BMPR1A: variants seen among roughly 807,000 people sequenced by gnomAD.
The protein encoded by BMPR1A is bone morphogenetic protein receptor type-1A.
BMPR1A carries 7 observed loss-of-function variants against 66.0 expected under a neutral mutation model. The observed-to-expected ratio is 0.11, with a 90% confidence interval of 0.06 to 0.20. The LOEUF (loss-of-function observed/expected upper bound fraction) is 0.20, where lower values mean the gene tolerates loss of function less well. BMPR1A is among the 10% of genes least tolerant of loss of function. The pLI is 1.00. For synonymous variants in BMPR1A, 200 were observed against 229.7 expected (o/e 0.87, Z 1.17); for missense variants, 408 against 669.1 (o/e 0.61, Z 4.31).
At chr10:86,910,015 A>G (rs985957150) in intron 7 of BMPR1A, among the ~76,000 whole-genome samples, 1 of 152,108 alleles carries the variant, frequency 6.6e-6, no homozygotes, top group African/African-American at 2.4e-5. Flanking sequence ...CTTGAATGCA[A>G]TAAGACTAGA....
chr10:86,777,241 C>G (rs2132686272), intron 1 of BMPR1A, among the ~76,000 whole-genome samples: 1 of 152,282 alleles, frequency 6.6e-6, no homozygotes, highest in Middle Eastern at 3.4e-3. Flanking sequence ...TTAAATCCAA[C>G]TGTGCCTACT....
chr10:86,847,217 G>A (rs987431648), intron 2 of BMPR1A, among the ~76,000 whole-genome samples: 1 of 152,078 alleles, frequency 6.6e-6, no homozygotes, highest in Non-Finnish European at 1.5e-5. Flanking sequence ...ATGGTATAGT[G>A]GGGAGAGCAT....
intron 5 of BMPR1A, 54 bp from the exon 6 acceptor site, chr10:86,899,740 A>T: frequency 1.3e-6 from 2 of 1,522,576 alleles, no homozygotes; most frequent in South Asian, 1.1e-5. Context: ...CTAAAAAGAC[A>T]TATCAGTTTA....
In BMPR1A at chr10:86,756,653, G is replaced by A. The variant is rs1257043581; in HGVS notation, c.-534G>A. ...CGGCGGTGGCGGCGGCCGCTGCAGA[G>A]ATTGGAATCCGCCTGCCGGGCTTGG... On this transcript the variant is annotated 5_prime_UTR_variant, in exon 1 of 13. Coordinates refer to ENST00000372037, the MANE Select transcript of BMPR1A (RefSeq NM_004329.3). The A allele has an allele frequency of 3.3e-5, 5 of 152,092 alleles. No individual in the cohort carries two copies. In the East Asian group the frequency reaches 9.7e-4, roughly 30 times the overall value. 9.4% of individuals were successfully genotyped at this position (152,092 alleles called of 1,614,324 possible). A position where few individuals can be genotyped will look rare whatever the true frequency, so the allele number is the denominator to read the frequency against.
intron 1 of BMPR1A, among the ~76,000 whole-genome samples, chr10:86,774,721 A>T (rs1841318180): frequency 6.6e-6 from 1 of 152,224 alleles, no homozygotes; most frequent in Admixed American, 6.5e-5. Flanking sequence ...CAAACAGTAT[A>T]TTGATACTAT....
intron 1 of BMPR1A, among the ~76,000 whole-genome samples, chr10:86,835,477 G>A (rs1564698874): frequency 1.4e-5 from 2 of 139,580 alleles, no homozygotes; most frequent in Non-Finnish European, 3.0e-5. Flanking sequence ...CTTGAACCCA[G>A]GAGGCAGAGG....
chr10:86,768,522 A>G (rs1841203090), intron 1 of BMPR1A, among the ~76,000 whole-genome samples: 1 of 152,230 alleles, frequency 6.6e-6, no homozygotes, highest in African/African-American at 2.4e-5. Context: ...TGCATAGAAG[A>G]GAAAATGATT....
intron 1 of BMPR1A, among the ~76,000 whole-genome samples, chr10:86,835,919 T>C (rs1215674420): frequency 6.6e-6 from 1 of 152,252 alleles, no homozygotes; most frequent in Non-Finnish European, 1.5e-5. Context: ...TGAAGAAATT[T>C]TGATGTTAGC....
rs557901682 is a variant in BMPR1A, at chr10:86,924,148, A to T, written c.*429A>T. 58 of 347,840 alleles carry T rather than the reference A, an allele frequency of 1.7e-4. No homozygotes were observed. Among genetic ancestry groups the T allele is most frequent in the African/African-American group, 1.0e-3 (51 of 48,810 alleles). The allele number at this position is 347,840 out of a possible 1,614,324, so 21.5% of individuals were successfully genotyped here. On this transcript the variant is annotated 3_prime_UTR_variant, in exon 13 of 13. Transcript: ENST00000372037. Reference sequence around the variant, plus strand: ...TACCTGAGACTTTCAGTTCGTTTGTATTCTACCTTTGTAAAACAGCCTATA... The same window carrying T: ...TACCTGAGACTTTCAGTTCGTTTGTTTTCTACCTTTGTAAAACAGCCTATA...
intron 1 of BMPR1A, among the ~76,000 whole-genome samples, chr10:86,794,696 T>C (rs1334924887): frequency 1.3e-5 from 2 of 152,028 alleles, no homozygotes; most frequent in East Asian, 3.8e-4. Flanking sequence ...CTTTCCAGAT[T>C]TTCAGATTCA....
intron 3 of BMPR1A, among the ~76,000 whole-genome samples, chr10:86,882,290 G>T (rs183898396): frequency 5.3e-4 from 80 of 152,132 alleles, no homozygotes; most frequent in African/African-American, 1.7e-3. Flanking sequence ...GGGCATGGTG[G>T]CATGTGCCTG....
At chr10:86,760,583 G>T (rs1440381938) in intron 1 of BMPR1A, among the ~76,000 whole-genome samples, 2 of 152,052 alleles carry the variant, frequency 1.3e-5, no homozygotes, top group Non-Finnish European at 2.9e-5. Context: ...TAGTTTGCAG[G>T]GTGGGTCTGT....
chr10:86,852,462 A>G (rs1842583987), intron 2 of BMPR1A, among the ~76,000 whole-genome samples: 1 of 152,112 alleles, frequency 6.6e-6, no homozygotes, highest in African/African-American at 2.4e-5. Flanking sequence ...CCTACTCAGA[A>G]AGCTGAGATG....
intron 7 of BMPR1A, among the ~76,000 whole-genome samples, chr10:86,903,849 G>T (rs1019596564): frequency 1.3e-5 from 2 of 151,644 alleles, no homozygotes; most frequent in East Asian, 1.9e-4. Flanking sequence ...CTCATGATCC[G>T]CCCGCCTTGG....
intron 1 of BMPR1A, among the ~76,000 whole-genome samples, chr10:86,812,559 C>G (rs56401772): frequency 3.3e-5 from 5 of 152,322 alleles, no homozygotes; most frequent in Non-Finnish European, 5.9e-5. Context: ...CATATTCCTA[C>G]AGTGCTGTAT....
At position 86,886,828 on chromosome 10, in the gene BMPR1A, C is replaced by CTTTTT. The variant is rs10572910; in HGVS notation, c.68-3218_68-3214dup. ...ATGTAAACACCTCCGTATTTTGTCACTTTTTTTTTTTTTTTTTTTTGAGAT... is the reference window on the plus strand; with the variant it reads ...ATGTAAACACCTCCGTATTTTGTCACTTTTTTTTTTTTTTTTTTTTTTTTTGAGAT... On this transcript the variant is annotated intron_variant, in intron 3 of 12. Transcript: ENST00000372037. Among the ~76,000 whole-genome samples, 3 of 76,696 alleles carry CTTTTT rather than the reference C, an allele frequency of 3.9e-5. No homozygotes were observed. In the Admixed American group the frequency reaches 4.7e-4, roughly 12 times the overall value. 50.3% of individuals were successfully genotyped at this position (76,696 alleles called of 152,430 possible).
intron 1 of BMPR1A, among the ~76,000 whole-genome samples, 189 bp downstream of exon 1, chr10:86,757,108 A>C (rs923470644): frequency 6.6e-6 from 1 of 150,480 alleles, no homozygotes; most frequent in Non-Finnish European, 1.5e-5. Context: ...GACCCACGGC[A>C]CCCCGCGCCG....
intron 1 of BMPR1A, among the ~76,000 whole-genome samples, chr10:86,830,168 C>A (rs763875041): frequency 6.6e-6 from 1 of 152,054 alleles, no homozygotes; most frequent in Admixed American, 6.6e-5. Context: ...CTAAACTGAC[C>A]GTAACAGGAT....
At chr10:86,884,197 G>T (rs6586040) in intron 3 of BMPR1A, among the ~76,000 whole-genome samples, 1 of 151,204 alleles carries the variant, frequency 6.6e-6, no homozygotes, top group African/African-American at 2.4e-5. Context: ...CGATCCTTCC[G>T]CCTCAGCCAC....
Sources: allele counts gnomAD v4.1 joint callset (sites outside exome capture counted in the v4.1 genomes callset), GRCh38; gene constraint gnomAD v4.1.1; transcripts MANE v1.5; gene names NCBI Gene and HGNC (gene_info 2026-07-23, HGNC 2026-07-21).